DOK6: variants seen among roughly 807,000 people sequenced by gnomAD.
DOK6 encodes docking protein 6.
In DOK6, 22 loss-of-function variants were observed where a neutral mutation model predicts 44.0. The observed-to-expected ratio is 0.50, with a 90% CI of 0.36 to 0.71. The LOEUF (loss-of-function observed/expected upper bound fraction) is 0.71, where lower values mean the gene tolerates loss of function less well. Among genes scored for constraint, DOK6 ranks in the 30% least tolerant of loss-of-function variants. The pLI is 0.00. For missense variants in DOK6, 340 were observed against 416.4 expected, an observed-to-expected ratio of 0.82 and a Z score of 1.60; for synonymous variants, 166 against 145.5, an observed-to-expected ratio of 1.14 and a Z score of -1.01.
chr18:69,552,308 T>C (rs756153941), intron 1 of DOK6, among the ~76,000 whole-genome samples: 3 of 152,030 alleles, frequency 2.0e-5, no homozygotes, highest in Non-Finnish European at 4.4e-5. Flanking sequence ...AATAAGTAGA[T>C]AAACATCTTA....
chr18:69,461,643 C>A (rs148427943), intron 1 of DOK6, among the ~76,000 whole-genome samples: 21 of 152,298 alleles, frequency 1.4e-4, no homozygotes, highest in Admixed American at 4.6e-4. Context: ...TTTATTCCAG[C>A]TGTTATAAAC....
chr18:69,512,928 C>A (rs1182859967), intron 1 of DOK6, among the ~76,000 whole-genome samples: 3 of 152,224 alleles, frequency 2.0e-5, no homozygotes, highest in African/African-American at 7.2e-5. Flanking sequence ...ATCTGGTATT[C>A]CAGATGTCAC....
intron 1 of DOK6, among the ~76,000 whole-genome samples, chr18:69,556,799 T>C (rs1377311732): frequency 6.6e-6 from 1 of 152,218 alleles, no homozygotes; most frequent in Non-Finnish European, 1.5e-5. Flanking sequence ...AGAGCAAAAC[T>C]CATTTCTCTA....
At position 69,403,735 on chromosome 18, in the gene DOK6, C is replaced by T. The variant is rs562851767; in HGVS notation, c.66+2425C>T. On this transcript the variant is annotated intron_variant, in intron 1 of 7. Transcript: ENST00000382713. ...ATTTAAATGGCAAAACTTCACATAG[C>T]TGGTTCTGTGAAGCTTACTAAGTTA... Among the ~76,000 whole-genome samples, 5 of 152,148 alleles carry T rather than the reference C, an allele frequency of 3.3e-5. No homozygotes were observed. The East Asian group carries it at 9.7e-4, about 29-fold the overall frequency.
rs141297393 is a variant in DOK6 at position 69,473,122 on chromosome 18, T to G, written c.66+71812T>G. 3.6e-3 allele frequency among the ~76,000 whole-genome samples: 551 copies of G among 152,326 alleles called. 2 individuals are homozygous for G. The highest frequency in any genetic ancestry group is 0.013 in the African/African-American group (529 of 41,576). On this transcript the variant is annotated intron_variant, in intron 1 of 7. Transcript: ENST00000382713. ...TTAATATTTTTTTATTTTGCATAACTGATATAACCCTGCTTTCCAAAGATG... is the reference window on the plus strand; with the variant it reads ...TTAATATTTTTTTATTTTGCATAACGGATATAACCCTGCTTTCCAAAGATG...
intron 1 of DOK6, among the ~76,000 whole-genome samples, chr18:69,455,878 C>T (rs1979621092): frequency 6.6e-6 from 1 of 152,078 alleles, no homozygotes; most frequent in African/African-American, 2.4e-5. Flanking sequence ...CAAATAATGA[C>T]AACATTAATC....
chr18:69,499,403 G>A (rs914759590), intron 1 of DOK6, among the ~76,000 whole-genome samples: 1 of 152,066 alleles, frequency 6.6e-6, no homozygotes, highest in Non-Finnish European at 1.5e-5. Flanking sequence ...TGGAAAATAG[G>A]CTAGAATTAG....
chr18:69,734,057 G>C (rs1182492122), intron 5 of DOK6, among the ~76,000 whole-genome samples: 2 of 151,686 alleles, frequency 1.3e-5, no homozygotes, highest in Non-Finnish European at 2.9e-5. Flanking sequence ...AGTTTATGTA[G>C]AAATTCTTCG....
intron 3 of DOK6, among the ~76,000 whole-genome samples, chr18:69,641,023 C>A (rs1041013217): frequency 3.9e-4 from 60 of 152,068 alleles, no homozygotes; most frequent in African/African-American, 1.4e-3. Flanking sequence ...CGAGACCATC[C>A]TGGCCAACAT....
chr18:69,450,648 G>T (rs956075694), intron 1 of DOK6, among the ~76,000 whole-genome samples: 1 of 151,918 alleles, frequency 6.6e-6, no homozygotes, highest in African/African-American at 2.4e-5. Flanking sequence ...ACATGTTAAG[G>T]GCAGCCAGAG....
intron 4 of DOK6, among the ~76,000 whole-genome samples, chr18:69,683,762 T>C (rs1986092239): frequency 1.3e-5 from 2 of 152,234 alleles, no homozygotes; most frequent in African/African-American, 4.8e-5. Context: ...CAATTGTTGG[T>C]ACTTTGTTAT....
At chr18:69,816,599 C>T (rs1052333997) in intron 7 of DOK6, among the ~76,000 whole-genome samples, 1 of 152,130 alleles carries the variant, frequency 6.6e-6, no homozygotes, top group East Asian at 1.9e-4. Context: ...AAATACTATA[C>T]TTTTTACTTA....
At chr18:69,593,704 T>G (rs1412736430) in intron 2 of DOK6, among the ~76,000 whole-genome samples, 1 of 152,178 alleles carries the variant, frequency 6.6e-6, no homozygotes, top group Admixed American at 6.5e-5. Context: ...ATTTTGTCAA[T>G]TTTTATTATA....
At chr18:69,415,321 T>C (rs530576837) in intron 1 of DOK6, among the ~76,000 whole-genome samples, 2 of 152,184 alleles carry the variant, frequency 1.3e-5, no homozygotes, top group African/African-American at 2.4e-5. Context: ...TACTTGTGAA[T>C]TGAGGAAAAT....
intron 4 of DOK6, among the ~76,000 whole-genome samples, chr18:69,688,759 T>G (rs967647551): frequency 1.3e-5 from 2 of 152,210 alleles, no homozygotes; most frequent in Non-Finnish European, 2.9e-5. Context: ...TGACCTCAAA[T>G]GATCCACCCA....
At chr18:69,821,159 A>T (rs969046713) in intron 7 of DOK6, among the ~76,000 whole-genome samples, 1 of 152,212 alleles carries the variant, frequency 6.6e-6, no homozygotes, top group Non-Finnish European at 1.5e-5. Context: ...TATATTGGTT[A>T]AAATGGTCTA....
intron 2 of DOK6, among the ~76,000 whole-genome samples, chr18:69,595,579 T>C (rs1983721883): frequency 6.6e-6 from 1 of 152,158 alleles, no homozygotes; most frequent in Non-Finnish European, 1.5e-5. Flanking sequence ...TCATCGTTCT[T>C]CCACCCAAGC....
intron 3 of DOK6, among the ~76,000 whole-genome samples, chr18:69,612,069 G>T (rs1438266783): frequency 6.6e-6 from 1 of 152,068 alleles, no homozygotes; most frequent in Non-Finnish European, 1.5e-5. Context: ...GTTACCACTG[G>T]GGGAAACTGG....
chr18:69,582,934 C>T (rs556325570), intron 2 of DOK6, among the ~76,000 whole-genome samples: 1 of 152,290 alleles, frequency 6.6e-6, no homozygotes, highest in East Asian at 1.9e-4. Context: ...GGTTTACCTT[C>T]ACCATATTTT....
Sources: gnomAD v4.1 joint callset for allele counts (sites outside exome capture counted in the v4.1 genomes callset) on GRCh38, gnomAD v4.1.1 for gene constraint, MANE v1.5 for transcripts, NCBI Gene and HGNC (gene_info 2026-07-23, HGNC 2026-07-21) for gene names.